Variants in TRABD2A observed in about 807,000 individuals in gnomAD.
TRABD2A encodes metalloprotease TIKI1.
In TRABD2A, 43 loss-of-function variants were observed where a neutral mutation model predicts 45.6. The observed-to-expected ratio is 0.94, with a 90% CI of 0.74 to 1.22. The LOEUF is 1.22. TRABD2A is among the 50% of genes most tolerant of loss of function. The pLI is 0.00. For missense variants in TRABD2A, 642 were observed against 652.4 expected, an observed-to-expected ratio of 0.98 and a Z score of 0.17; for synonymous variants, 269 against 265.0, an observed-to-expected ratio of 1.02 and a Z score of -0.15.
At chr2:84,874,781 C>T in intron 1 of TRABD2A, 1 of 245,602 alleles carries the variant, frequency 4.1e-6, no homozygotes, top group South Asian at 6.0e-5. Context: ...GGTCTGAGGA[C>T]TACAGTGAAA....
At chr2:84,847,117 C>G (rs1191651978) in intron 2 of TRABD2A, among the ~76,000 whole-genome samples, 1 of 152,198 alleles carries the variant, frequency 6.6e-6, no homozygotes, top group Non-Finnish European at 1.5e-5. Context: ...ACTCCCTCTC[C>G]AGTGAGGAGC....
chr2:84,870,574 T>C lies in TRABD2A; in HGVS notation c.320A>G (p.Gln107Arg), dbSNP rs1339076304. The change falls in exon 2 of 7, where the codon CAG (glutamine) becomes CGG (arginine). Residue 107 changes from glutamine (Q) to arginine (R), a missense_variant. By Grantham distance (43) the Gln-to-Arg change is conservative. Coordinates refer to ENST00000409520, the MANE Select transcript of TRABD2A (RefSeq NM_001277053.2). ...GAGCACATCTTGGAGGTTCTCGCCC[T>C]GTGGCAGCATCTGACAGCTGGTGAG... ...SALTSCQMLPQGENLQDVLPR... is the reference protein window; with the variant it reads ...SALTSCQMLPRGENLQDVLPR... The C allele has an allele frequency of 2.5e-6, 4 of 1,613,748 alleles. No individual in the cohort carries two copies. The highest frequency in any genetic ancestry group is 3.4e-6 in the Non-Finnish European group (4 of 1,179,776).
chr2:84,861,771 C>T (rs146243066), intron 2 of TRABD2A, among the ~76,000 whole-genome samples: 3 of 152,314 alleles, frequency 2.0e-5, no homozygotes, highest in African/African-American at 7.2e-5. Flanking sequence ...TTCTGCTCAG[C>T]GATAAACAAC....
rs1303918748 is a variant in TRABD2A, at chr2:84,830,209, GC to G, written c.1082+1845del. Reference sequence around the variant, plus strand: ...CCTAAGGGCTGGCTCCTCCAGACCTGCAGGAGAACAGGAAGGAGAGAGGCAG... The same window carrying G: ...CCTAAGGGCTGGCTCCTCCAGACCTGAGGAGAACAGGAAGGAGAGAGGCAG... On this transcript the variant is annotated intron_variant, in intron 5 of 6. Coordinates refer to ENST00000409520, the MANE Select transcript of TRABD2A (RefSeq NM_001277053.2). This position sits in a 1 kb window ranked among gnomAD's most constrained non-coding sequence, Gnocchi z 4.9. 6.6e-6 allele frequency among the ~76,000 whole-genome samples: 1 copy of G among 152,188 alleles called. No individual in the cohort carries two copies. Among genetic ancestry groups the G allele is most frequent in the Admixed American group, 6.5e-5 (1 of 15,280 alleles).
intron 3 of TRABD2A, 29 bp from the exon 4 acceptor site, chr2:84,839,352 A>T (rs1410084196): frequency 3.9e-6 from 6 of 1,556,304 alleles, no homozygotes; most frequent in Non-Finnish European, 5.2e-6. Context: ...AAAAAAAAAT[A>T]AGGGGCAACA....
chr2:84,823,962 A>G lies in TRABD2A; in HGVS notation c.1325T>C (p.Leu442Pro). 1 of 1,613,772 alleles carries G rather than the reference A, an allele frequency of 6.2e-7. No individual in the cohort carries two copies. Among genetic ancestry groups the G allele is most frequent in the Non-Finnish European group, 8.5e-7 (1 of 1,179,898 alleles). Residue 442 changes from leucine (L) to proline (P), a missense_variant, in exon 6 of 7, where the codon CTG becomes CCG. Coordinates refer to ENST00000409520, the MANE Select transcript of TRABD2A (RefSeq NM_001277053.2). ...AGCCTACTCGCCTGACCTCTCCTCC[A>G]GGCGGACCCACAGATCGCTGAATTG... is the stretch of plus-strand genomic sequence containing the variant. ...LRQFSDLWVRLEESDIVPQLQ... is the reference protein window; with the variant it reads ...LRQFSDLWVRPEESDIVPQLQ...
intron 2 of TRABD2A, among the ~76,000 whole-genome samples, chr2:84,869,988 A>C (rs1306726079): frequency 3.3e-5 from 5 of 151,698 alleles, no homozygotes; most frequent in Non-Finnish European, 7.4e-5. Context: ...AAAAAAAAAA[A>C]AAAGTACACA....
intron 4 of TRABD2A, 21 bp downstream of exon 4, chr2:84,839,128 C>G (rs376523212): frequency 6.2e-7 from 1 of 1,612,868 alleles, no homozygotes; most frequent in Non-Finnish European, 8.5e-7. Flanking sequence ...AGAGGCTAAT[C>G]AGAGGTGACC....
At chr2:84,859,589 G>T (rs1366850768) in intron 2 of TRABD2A, among the ~76,000 whole-genome samples, 1 of 152,208 alleles carries the variant, frequency 6.6e-6, no homozygotes, top group East Asian at 1.9e-4. Flanking sequence ...AGAAAAGAGG[G>T]TCTTCTGAGC....
chr2:84,864,301 G>A (rs1414718368), intron 2 of TRABD2A, among the ~76,000 whole-genome samples: 1 of 152,166 alleles, frequency 6.6e-6, no homozygotes, highest in African/African-American at 2.4e-5. Flanking sequence ...TGCCATGTAG[G>A]AGCAGGTGCT....
chr2:84,880,510 AG>A (rs1683164919), intron 1 of TRABD2A, among the ~76,000 whole-genome samples: 1 of 152,250 alleles, frequency 6.6e-6, no homozygotes, highest in African/African-American at 2.4e-5. Flanking sequence ...AAGCAGCTTC[AG>A]GGCGCTGTTA....
At position 84,880,992 on chromosome 2, in the gene TRABD2A, G is replaced by T. The variant is rs1683188146; in HGVS notation, c.48C>A (p.Pro16=). The T allele has an allele frequency of 1.9e-6, 3 of 1,605,778 alleles. No individual in the cohort carries two copies. The highest frequency in any genetic ancestry group is 2.2e-5 in the East Asian group (1 of 44,578). ...CCCCGCGCCGCGAAGCTGCGCCCGT[G>T]GGCAGGAGGCAGAGGGTCTGCAGCA... ...WFLLQTLCLL[P]TGAASRRGAP... The change falls in exon 1 of 7, where the codon CCC becomes CCA. Residue 16 remains proline (P), a synonymous_variant. Transcript: ENST00000409520.
intron 3 of TRABD2A, among the ~76,000 whole-genome samples, chr2:84,841,323 C>A (rs1297753400): frequency 6.6e-6 from 1 of 152,194 alleles, no homozygotes; most frequent in Non-Finnish European, 1.5e-5. Flanking sequence ...CTGAGCTGGG[C>A]AAACACTCAA....
At chr2:84,826,597 A>G (rs1464018489) in intron 5 of TRABD2A, among the ~76,000 whole-genome samples, 4 of 152,216 alleles carry the variant, frequency 2.6e-5, no homozygotes, top group Admixed American at 2.6e-4. Context: ...CAGTGGCACA[A>G]TCTTGGCTCA....
chr2:84,861,469 A>G (rs896734697), intron 2 of TRABD2A, among the ~76,000 whole-genome samples: 11 of 152,124 alleles, frequency 7.2e-5, no homozygotes, highest in African/African-American at 1.9e-4. Context: ...TCATGCTCCT[A>G]TAAGAATCTA....
chr2:84,872,118 A>G (rs941863734), intron 1 of TRABD2A, among the ~76,000 whole-genome samples: 1 of 152,242 alleles, frequency 6.6e-6, no homozygotes, highest in African/African-American at 2.4e-5. Context: ...AAAGAAGTGC[A>G]GTGCTCAAGG....
chr2:84,867,345 T>A (rs1294823176), intron 2 of TRABD2A, among the ~76,000 whole-genome samples: 1 of 152,194 alleles, frequency 6.6e-6, no homozygotes, highest in Non-Finnish European at 1.5e-5. Context: ...ATCTCTGAAA[T>A]ATGTTATCTT....
Position 84,821,844 on chromosome 2 carries a change from C to T in TRABD2A, c.*73G>A. The stretch of plus-strand genomic sequence containing the variant: ...TGGATTGGGCCCAACAAGGCTAGAC[C>T]AGAATGTGGAGTACAGGAATGGCCA... On this transcript the variant is annotated 3_prime_UTR_variant, in exon 7 of 7. Coordinates refer to ENST00000409520, the MANE Select transcript of TRABD2A (RefSeq NM_001277053.2). 7.1e-7 allele frequency: 1 copy of T among 1,413,780 alleles called. No homozygotes were observed. 87.6% of individuals were successfully genotyped at this position (1,413,780 alleles called of 1,614,324 possible). A position where few individuals can be genotyped will look rare whatever the true frequency, so the allele number is the denominator to read the frequency against.
At position 84,870,455 on chromosome 2, in the gene TRABD2A, G is replaced by T. The variant is rs1682838668; in HGVS notation, c.439C>A (p.Leu147Ile). ...GCATTGAAGAGGTAGTCTGCGTAGA[G>T]CCCCTTGCCGCGCTGGTCTGGGGTC... is the stretch of plus-strand genomic sequence containing the variant. ...WMTPDQRGKG[L>I]YADYLFNAIA... Residue 147 changes from leucine to isoleucine, a missense_variant, in exon 2 of 7, where the codon CTC becomes ATC. Physicochemically the swap from Leu to Ile is conservative, Grantham distance 5. Coordinates refer to ENST00000409520, the MANE Select transcript of TRABD2A (RefSeq NM_001277053.2). 1 of 1,614,052 alleles carries T rather than the reference G, an allele frequency of 6.2e-7. No individual in the cohort carries two copies. The highest frequency in any genetic ancestry group is 2.2e-5 in the East Asian group (1 of 44,888).
Sources: gnomAD v4.1 joint callset for allele counts (sites outside exome capture counted in the v4.1 genomes callset) on GRCh38, gnomAD v4.1.1 for gene constraint, Gnocchi (gnomAD v3.1) non-coding constraint, MANE v1.5 for transcripts, NCBI Gene and HGNC (gene_info 2026-07-23, HGNC 2026-07-21) for gene names.